Variants in OXR1 observed in about 807,000 individuals in gnomAD.
The protein encoded by OXR1 is oxidation resistance 1.
A neutral mutation model predicts 104.6 loss-of-function variants in OXR1; 41 were observed. That is an observed-to-expected ratio of 0.39 (90% confidence interval 0.31 to 0.51). OXR1 has a LOEUF of 0.51. Among genes scored for constraint, OXR1 ranks in the 20% least tolerant of loss-of-function variants. The pLI, the probability that OXR1 is intolerant of heterozygous loss-of-function variation, is 0.77. For synonymous variants in OXR1, 348 were observed against 348.4 expected, an observed-to-expected ratio of 1.00 and a Z score of 0.01; for missense variants, 955 against 1,031.9, an observed-to-expected ratio of 0.93 and a Z score of 1.02.
chr8:106,692,128 C>G (rs1333669545), intron 6 of OXR1, among the ~76,000 whole-genome samples: 1 of 151,966 alleles, frequency 6.6e-6, no homozygotes, highest in Non-Finnish European at 1.5e-5. Flanking sequence ...CATTCCAAAA[C>G]ATTCTGAGAA....
intron 1 of OXR1, among the ~76,000 whole-genome samples, chr8:106,312,646 A>G (rs1038524311): frequency 7.9e-5 from 12 of 152,176 alleles, no homozygotes; most frequent in African/African-American, 2.9e-4. Context: ...AGCTTGAATG[A>G]CTCAGGTTGT....
intron 1 of OXR1, among the ~76,000 whole-genome samples, chr8:106,273,137 A>T (rs1411708854): frequency 6.6e-6 from 1 of 151,596 alleles, no homozygotes; most frequent in Non-Finnish European, 1.5e-5. Flanking sequence ...CCTTAAGTGG[A>T]AGCCTAACTG....
chr8:106,694,446 TTATATATATTTGATATATAAATATATTTA>T (rs1563715705), intron 7 of OXR1, among the ~76,000 whole-genome samples: 40 of 136,280 alleles, frequency 2.9e-4, no homozygotes, highest in South Asian at 1.7e-3. Context: ...AAATATATTT[TTATATATATTTGATATATAAATATATTTA>T]TATATATATT....
intron 3 of OXR1, among the ~76,000 whole-genome samples, chr8:106,601,406 C>T (rs1819961481): frequency 6.6e-6 from 1 of 152,166 alleles, no homozygotes; most frequent in African/African-American, 2.4e-5. Context: ...GAGGCGCAAG[C>T]AGATCTGGGT....
intron 1 of OXR1, among the ~76,000 whole-genome samples, chr8:106,287,497 G>A (rs1361580941): frequency 6.6e-6 from 1 of 152,080 alleles, no homozygotes; most frequent in Non-Finnish European, 1.5e-5. Flanking sequence ...GAAACACCTT[G>A]GTTGGCTCAC....
intron 7 of OXR1, among the ~76,000 whole-genome samples, chr8:106,694,873 AAT>A (rs1299794765): frequency 4.6e-4 from 43 of 93,592 alleles, no homozygotes; most frequent in Middle Eastern, 6.0e-3. Flanking sequence ...ATTTATATAT[AAT>A]ATATATATTT....
intron 6 of OXR1, among the ~76,000 whole-genome samples, chr8:106,686,415 G>A (rs1563705644): frequency 3.3e-5 from 5 of 151,670 alleles, no homozygotes; most frequent in Admixed American, 1.3e-4. Context: ...AGTTGATTGT[G>A]TAAATTTTAG....
chr8:106,599,950 T>A (rs1389598450), intron 3 of OXR1, among the ~76,000 whole-genome samples: 1 of 152,154 alleles, frequency 6.6e-6, no homozygotes, highest in Non-Finnish European at 1.5e-5. Flanking sequence ...GTGCAGTTTA[T>A]ATAGGGTTGA....
chr8:106,613,643 C>T (rs1820975061), intron 3 of OXR1, among the ~76,000 whole-genome samples: 1 of 152,214 alleles, frequency 6.6e-6, no homozygotes, highest in African/African-American at 2.4e-5. Context: ...AGGTGATCTG[C>T]CCACCTTGGC....
chr8:106,684,208 C>A (rs1221342512), intron 5 of OXR1, 38 bp from the exon 6 acceptor site: 1 of 1,012,038 alleles, frequency 9.9e-7, no homozygotes, highest in Non-Finnish European at 1.6e-6. Context: ...ATTAACACTT[C>A]ATTTTAACTA....
chr8:106,639,713 T>C (rs986767233), intron 3 of OXR1, among the ~76,000 whole-genome samples: 14 of 152,150 alleles, frequency 9.2e-5, no homozygotes, highest in Admixed American at 8.5e-4. Context: ...TAGTTTAGGA[T>C]TGATAAAATA....
intron 2 of OXR1, among the ~76,000 whole-genome samples, chr8:106,491,021 C>G (rs1811050438): frequency 6.6e-6 from 1 of 152,224 alleles, no homozygotes; most frequent in Non-Finnish European, 1.5e-5. Flanking sequence ...TGCCTTTATA[C>G]TGACTAGTGT....
intron 2 of OXR1, among the ~76,000 whole-genome samples, chr8:106,464,145 G>A (rs1166986668): frequency 6.6e-6 from 1 of 151,948 alleles, no homozygotes; most frequent in African/African-American, 2.4e-5. Flanking sequence ...GTAGCCTAGT[G>A]ACCTGAACCC....
intron 7 of OXR1, chr8:106,698,048 A>G (rs552421492): frequency 7.4e-6 from 11 of 1,495,266 alleles, no homozygotes; most frequent in Admixed American, 1.7e-5. Flanking sequence ...GGAGCGTTCA[A>G]ACGGGCTGGA....
intron 1 of OXR1, among the ~76,000 whole-genome samples, chr8:106,293,236 A>G (rs556132600): frequency 6.6e-6 from 1 of 152,322 alleles, no homozygotes; most frequent in African/African-American, 2.4e-5. Context: ...CAAAATGTAA[A>G]TCACATTTTT....
At chr8:106,430,011 GA>G (rs1413433568) in intron 2 of OXR1, among the ~76,000 whole-genome samples, 2 of 152,084 alleles carry the variant, frequency 1.3e-5, no homozygotes, top group Non-Finnish European at 2.9e-5. Flanking sequence ...ACTAAGAATA[GA>G]AGGATTTCTG....
intron 2 of OXR1, among the ~76,000 whole-genome samples, chr8:106,463,295 T>C (rs1821005973): frequency 6.8e-6 from 1 of 147,440 alleles, no homozygotes; most frequent in Non-Finnish European, 1.5e-5. Context: ...GGGAGGGGGG[T>C]TTATTGAATC....
intron 3 of OXR1, among the ~76,000 whole-genome samples, chr8:106,558,678 T>A (rs1287779574): frequency 6.6e-6 from 1 of 152,206 alleles, no homozygotes; most frequent in African/African-American, 2.4e-5. Flanking sequence ...GAATTCTACT[T>A]TTTTTATTAG....
At chr8:106,702,847 A>G in intron 7 of OXR1, 59 bp from the exon 8 acceptor site, 1 of 1,261,448 alleles carries the variant, frequency 7.9e-7, no homozygotes, top group Non-Finnish European at 1.1e-6. Context: ...AAAAATAGCT[A>G]GATAATTTTT....
Sources: gnomAD v4.1 joint callset for allele counts (sites outside exome capture counted in the v4.1 genomes callset) on GRCh38, gnomAD v4.1.1 for gene constraint, MANE v1.5 for transcripts, NCBI Gene and HGNC (gene_info 2026-07-23, HGNC 2026-07-21) for gene names.